Variants in CCDC178 observed in about 807,000 individuals in gnomAD.
CCDC178 encodes coiled-coil domain containing 178.
CCDC178 carries 126 observed loss-of-function variants against 117.4 expected under a neutral mutation model. The ratio of observed to expected loss-of-function variants is 1.07; its 90% CI spans 0.93 to 1.24. CCDC178 has a LOEUF of 1.24. Ranked by LOEUF, CCDC178 falls within the 50% of genes most tolerant of loss-of-function variation. CCDC178 has a pLI of 0.00. For missense variants in CCDC178, 1,030 were observed against 986.9 expected (o/e 1.04, Z -0.59); for synonymous variants, 283 against 313.4 (o/e 0.90, Z 1.02).
chr18:33,336,395 C>G (rs1356795826), intron 9 of CCDC178, among the ~76,000 whole-genome samples: 3 of 152,086 alleles, frequency 2.0e-5, no homozygotes, highest in Admixed American at 1.3e-4. Context: ...AAATCTAACA[C>G]TGATGTCTAT....
intron 6 of CCDC178, 26 bp from the exon 7 acceptor site, chr18:33,356,372 A>C (rs2063057389): frequency 6.8e-7 from 1 of 1,466,264 alleles, no homozygotes; most frequent in Non-Finnish European, 9.2e-7. Flanking sequence ...ATCTCAATAA[A>C]AATCAAATCT....
intron 14 of CCDC178, among the ~76,000 whole-genome samples, chr18:33,259,788 G>A (rs925093647): frequency 1.2e-4 from 19 of 152,154 alleles, no homozygotes; most frequent in Admixed American, 2.6e-4. Flanking sequence ...GCTCATTGAA[G>A]GCAGGAAGTT....
chr18:33,030,954 A>G (rs1473765797), intron 21 of CCDC178, among the ~76,000 whole-genome samples: 1 of 152,116 alleles, frequency 6.6e-6, no homozygotes, highest in Non-Finnish European at 1.5e-5. Flanking sequence ...AGGGAGGTCA[A>G]TGGTGTAACT....
chr18:33,106,909 A>G (rs1178626651), intron 20 of CCDC178, among the ~76,000 whole-genome samples: 1 of 151,744 alleles, frequency 6.6e-6, no homozygotes, highest in Non-Finnish European at 1.5e-5. Flanking sequence ...AAGCCAAGGA[A>G]TGCAGGCAGC....
At chr18:33,388,423 T>C (rs2063522891) in intron 5 of CCDC178, among the ~76,000 whole-genome samples, 1 of 151,704 alleles carries the variant, frequency 6.6e-6, no homozygotes. Flanking sequence ...TTATGTTCAG[T>C]GCAGCACTAT....
intron 21 of CCDC178, among the ~76,000 whole-genome samples, chr18:32,986,762 TATA>T (rs2055272398): frequency 6.6e-6 from 1 of 152,038 alleles, no homozygotes; most frequent in Admixed American, 6.6e-5. Context: ...CTAATAAAAT[TATA>T]ATACCTAATT....
At chr18:33,321,337 C>T (rs2062506046) in intron 11 of CCDC178, among the ~76,000 whole-genome samples, 1 of 152,074 alleles carries the variant, frequency 6.6e-6, no homozygotes, top group Admixed American at 6.6e-5. Context: ...TTGCAATCTA[C>T]TCATCTGACA....
intron 9 of CCDC178, 106 bp downstream of exon 9, chr18:33,346,105 C>G (rs1043207814): frequency 2.6e-5 from 20 of 780,334 alleles, no homozygotes; most frequent in Admixed American, 2.0e-4. Context: ...GGATTACAGG[C>G]ATGAGCCATG....
At chr18:33,226,068 G>A (rs1174084205) in intron 16 of CCDC178, among the ~76,000 whole-genome samples, 1 of 152,200 alleles carries the variant, frequency 6.6e-6, no homozygotes, top group Non-Finnish European at 1.5e-5. Flanking sequence ...GGCTGAGGCA[G>A]GAGAATCACT....
intron 21 of CCDC178, among the ~76,000 whole-genome samples, chr18:32,985,260 G>C (rs2055238900): frequency 6.6e-6 from 1 of 151,790 alleles, no homozygotes; most frequent in Non-Finnish European, 1.5e-5. Context: ...GAAGTTATTT[G>C]TTTTAAACAA....
At chr18:33,314,354 G>T (rs188227520) in intron 11 of CCDC178, among the ~76,000 whole-genome samples, 1 of 151,582 alleles carries the variant, frequency 6.6e-6, no homozygotes, top group African/African-American at 2.4e-5. Flanking sequence ...CCTACATACC[G>T]CCTGGAGCCC....
intron 20 of CCDC178, among the ~76,000 whole-genome samples, chr18:33,188,046 T>G (rs2058816909): frequency 6.6e-6 from 1 of 152,104 alleles, no homozygotes; most frequent in Admixed American, 6.6e-5. Flanking sequence ...AAGAGTGACC[T>G]GGGGAAATAT....
chr18:33,310,105 G>A (rs1295572697), intron 11 of CCDC178, among the ~76,000 whole-genome samples: 1 of 151,968 alleles, frequency 6.6e-6, no homozygotes, highest in Non-Finnish European at 1.5e-5. Flanking sequence ...GGGAGTACAG[G>A]TGCACACCAC....
intron 5 of CCDC178, among the ~76,000 whole-genome samples, chr18:33,370,470 T>C (rs1183723477): frequency 6.6e-6 from 1 of 151,560 alleles, no homozygotes; most frequent in Non-Finnish European, 1.5e-5. Flanking sequence ...CATTGTGAAC[T>C]AAACATAGGA....
At chr18:33,349,875 T>C (rs1428618508) in intron 7 of CCDC178, among the ~76,000 whole-genome samples, 1 of 151,862 alleles carries the variant, frequency 6.6e-6, no homozygotes, top group Non-Finnish European at 1.5e-5. Context: ...GAGTCACAAT[T>C]ATACATTCTG....
intron 20 of CCDC178, among the ~76,000 whole-genome samples, chr18:33,199,750 G>A (rs271532): frequency 0.16 from 24,473 of 152,078 alleles, 2,749 homozygotes; most frequent in African/African-American, 0.32. Context: ...AAGATTTCCT[G>A]AAGCCTCTGA....
At chr18:33,215,503 TAATA>T (rs914304772) in intron 19 of CCDC178, 43 bp downstream of exon 19, 1 of 996,144 alleles carries the variant, frequency 1.0e-6, no homozygotes, top group Non-Finnish European at 1.4e-6. Flanking sequence ...TCTTATTTAT[TAATA>T]TTTTTTAAAA....
intron 20 of CCDC178, among the ~76,000 whole-genome samples, chr18:33,174,231 G>A (rs1024257968): frequency 2.0e-5 from 3 of 152,066 alleles, no homozygotes; most frequent in Non-Finnish European, 4.4e-5. Context: ...ACTGACTGTC[G>A]CAAAGACAGC....
At chr18:33,058,788 A>G (rs2056871784) in intron 21 of CCDC178, among the ~76,000 whole-genome samples, 1 of 151,992 alleles carries the variant, frequency 6.6e-6, no homozygotes, top group Non-Finnish European at 1.5e-5. Flanking sequence ...GTATACTTAA[A>G]TATAGATGTT....
Sources: gnomAD v4.1 joint callset for allele counts (sites outside exome capture counted in the v4.1 genomes callset) on GRCh38, gnomAD v4.1.1 for gene constraint, MANE v1.5 for transcripts, NCBI Gene and HGNC (gene_info 2026-07-23, HGNC 2026-07-21) for gene names.